Variants in SLC9A1 observed in about 807,000 individuals in gnomAD.
SLC9A1 encodes sodium/hydrogen exchanger 1.
A neutral mutation model predicts 67.9 loss-of-function variants in SLC9A1; 22 were observed. The observed-to-expected ratio is 0.32, with a 90% CI of 0.23 to 0.46. The LOEUF (loss-of-function observed/expected upper bound fraction) is 0.46. SLC9A1 is among the 20% of genes least tolerant of loss of function. The probability of loss-of-function intolerance (pLI) is 1.00; values close to 1 mark genes in which losing one functional copy is unlikely to be tolerated. For synonymous variants in SLC9A1, 421 were observed against 471.8 expected (o/e 0.89, Z 1.40); for missense variants, 686 against 1,094.8 (o/e 0.63, Z 5.27).
intron 1 of SLC9A1, among the ~76,000 whole-genome samples, chr1:27,131,937 A>AG (rs2083387386): frequency 5.6e-5 from 2 of 35,478 alleles, no homozygotes; most frequent in African/African-American, 1.9e-4. Context: ...AAGAAGAAGA[A>AG]GAAAAAAAAA....
In SLC9A1 at chr1:27,102,498, C is replaced by T. The variant is rs1280687391; in HGVS notation, c.1707G>A (p.Lys569=). The T allele has an allele frequency of 6.2e-7, 1 of 1,610,350 alleles. No homozygotes were observed. Among genetic ancestry groups the T allele is most frequent in the East Asian group, 2.2e-5 (1 of 44,764 alleles). The part of the protein sequence containing the change: ...KKCLIAGERS[K]EPQLIAFYHK... Reference sequence around the variant, plus strand: ...GGTAGAAGGCAATGAGCTGGGGCTCCTTGGAGCGCTCGCCAGCTATCAGAC... The same window carrying T: ...GGTAGAAGGCAATGAGCTGGGGCTCTTTGGAGCGCTCGCCAGCTATCAGAC... The change falls in exon 8 of 12, where the codon AAG becomes AAA. Residue 569 remains lysine, a synonymous_variant. Coordinates refer to ENST00000263980, the MANE Select transcript of SLC9A1 (RefSeq NM_003047.5).
chr1:27,112,883 CAAAAAAAAAAA>C (rs58540104), intron 2 of SLC9A1, among the ~76,000 whole-genome samples: 754 of 41,532 alleles, frequency 0.018, 24 homozygotes, highest in Non-Finnish European at 0.02. Flanking sequence ...GACTCCATCT[CAAAAAAAAAAA>C]AAAAAAAAAA....
At chr1:27,110,679 G>A (rs907280459) in intron 2 of SLC9A1, among the ~76,000 whole-genome samples, 1 of 152,200 alleles carries the variant, frequency 6.6e-6, no homozygotes, top group East Asian at 1.9e-4. Context: ...AAAACAACAC[G>A]CCAGGGGGCC....
Position 27,101,071 on chromosome 1 carries a change from G to T in SLC9A1, c.2110+132C>A. On this transcript the variant is annotated intron_variant, in intron 11 of 11. Coordinates refer to ENST00000263980, the MANE Select transcript of SLC9A1 (RefSeq NM_003047.5). This position sits in a 1 kb window ranked among gnomAD's most constrained non-coding sequence, Gnocchi z 4.9. ...CTGACGTAGAAGCAGCTCATGGCTT[G>T]GGAGGGGATCCTGAGGTCAGCGAGG... is the stretch of plus-strand genomic sequence containing the variant. The T allele has an allele frequency of 1.5e-6, 1 of 675,856 alleles. No homozygotes were observed. Among genetic ancestry groups the T allele is most frequent in the East Asian group, 2.7e-5 (1 of 36,676 alleles). The allele number at this position is 675,856 out of a possible 1,614,324, so 41.9% of individuals were successfully genotyped here. A position where few individuals can be genotyped will look rare whatever the true frequency, so the allele number is the denominator to read the frequency against.
intron 1 of SLC9A1, among the ~76,000 whole-genome samples, chr1:27,120,558 C>T (rs918153346): frequency 2.2e-4 from 34 of 151,610 alleles, no homozygotes; most frequent in African/African-American, 6.3e-4. Flanking sequence ...ACCAACATGG[C>T]GAAACCTCGT....
rs746824143 is a variant in SLC9A1, at chr1:27,154,277, G to T, written c.58C>A (p.Leu20Ile). The change falls in exon 1 of 12, where the codon CTC (leucine) becomes ATC (isoleucine). Residue 20 changes from leucine to isoleucine, a missense_variant. Physicochemically the swap from Leu to Ile is conservative, Grantham distance 5. Around this residue, in one of 7 missense-constraint regions of SLC9A1, gnomAD observed 143 missense variants for 166.7 expected, o/e 0.86. Transcript: ENST00000263980. Reference protein sequence around the residue: ...LSPHRIFPSLLVVVALVGLLP... With the variant: ...LSPHRIFPSLIVVVALVGLLP... ...AGCCCCACCAAAGCAACCACCACGA[G>T]TAAGGAAGGGAAGATCCGATGTGGA... 6.2e-7 allele frequency: 1 copy of T among 1,612,654 alleles called. No homozygotes were observed. Among genetic ancestry groups the T allele is most frequent in the South Asian group, 1.1e-5 (1 of 90,788 alleles).
intron 1 of SLC9A1, among the ~76,000 whole-genome samples, chr1:27,132,048 C>T (rs891482144): frequency 2.0e-5 from 3 of 149,906 alleles, no homozygotes; most frequent in African/African-American, 5.0e-5. Context: ...TGCTATCACA[C>T]CAATATCACA....
At chr1:27,140,461 A>G (rs2083446843) in intron 1 of SLC9A1, among the ~76,000 whole-genome samples, 1 of 152,064 alleles carries the variant, frequency 6.6e-6, no homozygotes, top group Admixed American at 6.6e-5. Context: ...ACCATCCTCC[A>G]GTGCTTGACC....
At chr1:27,102,280 C>A in intron 8 of SLC9A1, 105 bp downstream of exon 8, 1 of 1,404,828 alleles carries the variant, frequency 7.1e-7, no homozygotes. Flanking sequence ...TCTTGTCCGC[C>A]CCAACAGGAC....
chr1:27,100,160 T>C lies in SLC9A1; in HGVS notation c.*147A>G, dbSNP rs962024310. The C allele has an allele frequency of 1.8e-6, 1 of 556,978 alleles. No homozygotes were observed. The highest frequency in any genetic ancestry group is 3.6e-5 in the Admixed American group (1 of 27,832). 34.5% of individuals were successfully genotyped at this position (556,978 alleles called of 1,614,324 possible). ...GGAGGCGGCAGGGGAGGAGCTGTGC[T>C]GGGGTGGGGGCTGTGGGCCCAGCTG... On this transcript the variant is annotated 3_prime_UTR_variant, in exon 12 of 12. Coordinates refer to ENST00000263980, the MANE Select transcript of SLC9A1 (RefSeq NM_003047.5). This position sits in a 1 kb window ranked among gnomAD's most constrained non-coding sequence, Gnocchi z 5.6.
At chr1:27,128,783 C>G (rs1453932060) in intron 1 of SLC9A1, among the ~76,000 whole-genome samples, 1 of 151,898 alleles carries the variant, frequency 6.6e-6, no homozygotes, top group East Asian at 1.9e-4. Context: ...CATGGTGAAA[C>G]CCCATCTCTA....
Position 27,155,077 on chromosome 1 carries a change from G to A in SLC9A1, c.-743C>T, listed in dbSNP as rs1002761714. Among the ~76,000 whole-genome samples, 1 of 152,028 alleles carries A rather than the reference G, an allele frequency of 6.6e-6. No homozygotes were observed. Among genetic ancestry groups the A allele is most frequent in the East Asian group, 1.9e-4 (1 of 5,190 alleles). On this transcript the variant is annotated 5_prime_UTR_variant, in exon 1 of 12. Transcript: ENST00000263980. This position sits in a 1 kb window ranked among gnomAD's most constrained non-coding sequence, Gnocchi z 4.5. ...CCCCGGCCCAGCTGCAGCTCCTCCT[G>A]GTCCAGCTCCAGAACTAACCCTAGC... is the stretch of plus-strand genomic sequence containing the variant.
chr1:27,109,230 C>A lies in SLC9A1; in HGVS notation c.1064+297G>T, dbSNP rs1419445196. Among the ~76,000 whole-genome samples, 1 of 152,170 alleles carries A rather than the reference C, an allele frequency of 6.6e-6. No homozygotes were observed. The highest frequency in any genetic ancestry group is 1.9e-4 in the East Asian group (1 of 5,190). ...CTTCCAAGGCTCTGCTCTCCTATAC[C>A]CTGGGCTTGCCTTCATGCAGGTCAT... On this transcript the variant is annotated intron_variant, in intron 3 of 11. Transcript: ENST00000263980. This position sits in a 1 kb window ranked among gnomAD's most constrained non-coding sequence, Gnocchi z 5.5.
In SLC9A1 at chr1:27,102,530, T is replaced by C. The variant is rs1450046885; in HGVS notation, c.1675A>G (p.Lys559Glu). 1 of 1,607,810 alleles carries C rather than the reference T, an allele frequency of 6.2e-7. No individual in the cohort carries two copies. Among genetic ancestry groups the C allele is most frequent in the African/African-American group, 1.3e-5 (1 of 74,824 alleles). Residue 559 changes from lysine (K) to glutamate (E), a missense_variant, in exon 8 of 12, where the codon AAG becomes GAG. Physicochemically the swap from Lys to Glu is moderately conservative, Grantham distance 56. Around this residue, in one of 7 missense-constraint regions of SLC9A1, gnomAD observed 168 missense variants for 375.4 expected, o/e 0.45. Transcript: ENST00000263980. ...CGCTCGCCAGCTATCAGACACTTCTTCACATATTTCTTATTAAACCGGTTG... is the reference window on the plus strand; with the variant it reads ...CGCTCGCCAGCTATCAGACACTTCTCCACATATTTCTTATTAAACCGGTTG... The part of the protein sequence containing the change: ...KLNRFNKKYV[K>E]KCLIAGERSK...
intron 5 of SLC9A1, chr1:27,103,777 A>G: frequency 5.5e-6 from 1 of 182,242 alleles, no homozygotes; most frequent in Non-Finnish European, 1.2e-5. Context: ...GTGTTCTAGC[A>G]TCAATCAGCT....
intron 1 of SLC9A1, among the ~76,000 whole-genome samples, chr1:27,123,317 T>A (rs978855660): frequency 6.6e-6 from 1 of 152,136 alleles, no homozygotes; most frequent in African/African-American, 2.4e-5. Flanking sequence ...TTAAGTTTGG[T>A]ATATATTCTT....
intron 1 of SLC9A1, among the ~76,000 whole-genome samples, chr1:27,116,233 G>C (rs2083271346): frequency 6.6e-6 from 1 of 152,140 alleles, no homozygotes; most frequent in Admixed American, 6.5e-5. Flanking sequence ...GGTGGTGGGT[G>C]CTTGTATTCC....
In SLC9A1 at chr1:27,131,947, A is replaced by AAAAAAAAAAATAT; in HGVS notation, c.353-17662_353-17661insATATTTTTTTTTT. Among the ~76,000 whole-genome samples, 169 of 52,060 alleles carry AAAAAAAAAAATAT rather than the reference A, an allele frequency of 3.2e-3. 1 individual carries two copies. The highest frequency in any genetic ancestry group is 4.7e-3 in the Non-Finnish European group (123 of 26,040). 34.2% of individuals were successfully genotyped at this position (52,060 alleles called of 152,430 possible). A position where few individuals can be genotyped will look rare whatever the true frequency, so the allele number is the denominator to read the frequency against. On this transcript the variant is annotated intron_variant, in intron 1 of 11. Coordinates refer to ENST00000263980, the MANE Select transcript of SLC9A1 (RefSeq NM_003047.5). ...AAAAGAAGAAGAAGAAGAAAAAAAAAATATATATATATATATATATATATA... is the reference window on the plus strand; with the variant it reads ...AAAAGAAGAAGAAGAAGAAAAAAAAAAAAAAAAAAATATATATATATATATATATATATATATA...
chr1:27,101,128 G>A lies in SLC9A1; in HGVS notation c.2110+75C>T. 8.5e-7 allele frequency: 1 copy of A among 1,175,816 alleles called. No homozygotes were observed. 72.8% of individuals were successfully genotyped at this position (1,175,816 alleles called of 1,614,324 possible). On this transcript the variant is annotated intron_variant, in intron 11 of 11. Coordinates refer to ENST00000263980, the MANE Select transcript of SLC9A1 (RefSeq NM_003047.5). The surrounding 1 kb of genome is among the most constrained non-coding windows in gnomAD (Gnocchi z 4.9). Reference sequence around the variant, plus strand: ...CCTGTCCTCCCAGTGGCTGAGGACTGTTCCTGTGGAGCCCCATCCTCAGGA... The same window carrying A: ...CCTGTCCTCCCAGTGGCTGAGGACTATTCCTGTGGAGCCCCATCCTCAGGA...
Sources: gnomAD v4.1 joint callset for allele counts (sites outside exome capture counted in the v4.1 genomes callset) on GRCh38, gnomAD v4.1.1 for gene constraint, gnomAD v4.1.1 regional missense constraint, Gnocchi (gnomAD v3.1) non-coding constraint, MANE v1.5 for transcripts, NCBI Gene and HGNC (gene_info 2026-07-23, HGNC 2026-07-21) for gene names.